Variants in AP4B1 observed in about 807,000 individuals in gnomAD.
AP4B1 encodes adaptor related protein complex 4 subunit beta 1, also known as AP-4 complex subunit beta-1.
In AP4B1, 49 loss-of-function variants were observed where a neutral mutation model predicts 76.5. The ratio of observed to expected loss-of-function variants is 0.64; its 90% CI spans 0.51 to 0.81. The LOEUF (loss-of-function observed/expected upper bound fraction) is 0.81, where lower values mean the gene tolerates loss of function less well. AP4B1 is among the 40% of genes least tolerant of loss of function. AP4B1 has a pLI of 0.00. For missense variants in AP4B1, 911 were observed against 904.9 expected (o/e 1.01, Z -0.09); for synonymous variants, 330 against 333.3 (o/e 0.99, Z 0.11).
At chr1:113,899,450 C>T (rs1345982431) in intron 5 of AP4B1, 2 of 726,968 alleles carry the variant, frequency 2.8e-6, no homozygotes, top group Admixed American at 5.1e-5. Context: ...TAACATAGGA[C>T]TTTGAGTCAG....
In AP4B1 at chr1:113,895,286, G is replaced by A. The variant is rs1469219251; in HGVS notation, c.1999C>T (p.Gln667Ter). 3 of 1,614,094 alleles carry A rather than the reference G, an allele frequency of 1.9e-6. No homozygotes were observed. The highest frequency in any genetic ancestry group is 2.7e-5 in the African/African-American group (2 of 74,940). Residue 667 changes from glutamine to a stop codon, truncating the protein, a stop_gained, in exon 10 of 10, where the codon CAG (glutamine) becomes TAG (stop). Transcript: ENST00000369569. LOFTEE classifies it high-confidence loss of function. ...LQMALQVVNI[Q>*]TIAMSRAGSR... Reference sequence around the variant, plus strand: ...CCAGCCCTACTCATTGCGATGGTCTGGATGTTCACTACTTGAAGAGCCATC... The same window carrying A: ...CCAGCCCTACTCATTGCGATGGTCTAGATGTTCACTACTTGAAGAGCCATC...
rs1163453418 is a variant in AP4B1 at position 113,901,128 on chromosome 1, G to A, written c.617+108C>T. The stretch of plus-strand genomic sequence containing the variant: ...GTCTCAAATAATAATAATAATAATG[G>A]TTAACTTTCTTTTCTACCCCACATA... On this transcript the variant is annotated intron_variant, in intron 4 of 9. Transcript: ENST00000369569. The A allele has an allele frequency of 5.7e-6, 8 of 1,403,344 alleles. No homozygotes were observed. The Middle Eastern group carries it at 5.3e-4, about 93-fold the overall frequency. The allele number at this position is 1,403,344 out of a possible 1,614,324, so 86.9% of individuals were successfully genotyped here. A position where few individuals can be genotyped will look rare whatever the true frequency, so the allele number is the denominator to read the frequency against.
chr1:113,901,681 C>G, intron 3 of AP4B1, 74 bp downstream of exon 3: 1 of 1,591,614 alleles, frequency 6.3e-7, no homozygotes. Context: ...TATTTTCTAC[C>G]AAAGCCACAC....
At chr1:113,897,591 G>C (rs938815893) in intron 7 of AP4B1, 7 of 520,082 alleles carry the variant, frequency 1.3e-5, no homozygotes, top group Non-Finnish European at 2.4e-5. Flanking sequence ...CTCAAGCAAA[G>C]CAAAACAAAA....
chr1:113,904,462 A>T, intron 1 of AP4B1, 143 bp downstream of exon 1: 1 of 800,498 alleles, frequency 1.2e-6, no homozygotes, highest in Non-Finnish European at 2.2e-6. Context: ...CTGACATGGT[A>T]CTCCAAAGCA....
At chr1:113,902,910 T>C in intron 1 of AP4B1, 48 bp from the exon 2 acceptor site, 1 of 1,556,954 alleles carries the variant, frequency 6.4e-7, no homozygotes, top group Non-Finnish European at 8.8e-7. Context: ...AATCCCCAAC[T>C]TACAATGGAG....
intron 1 of AP4B1, among the ~76,000 whole-genome samples, chr1:113,903,390 A>G (rs1668560756): frequency 6.6e-6 from 1 of 152,202 alleles, no homozygotes; most frequent in Non-Finnish European, 1.5e-5. Context: ...TTGAATCCCT[A>G]GTACTTTGGT....
chr1:113,899,112 T>C, intron 5 of AP4B1: 4 of 1,188,760 alleles, frequency 3.4e-6, no homozygotes, highest in South Asian at 2.0e-5. Flanking sequence ...GTACCCTTTT[T>C]GTTGCAGCAC....
At chr1:113,903,448 G>C (rs1452525096) in intron 1 of AP4B1, among the ~76,000 whole-genome samples, 2 of 152,208 alleles carry the variant, frequency 1.3e-5, no homozygotes, top group East Asian at 3.8e-4. Context: ...ACATAATCTT[G>C]AAGAAGGTGT....
At chr1:113,897,808 C>G in intron 7 of AP4B1, 32 bp downstream of exon 7, 2 of 1,605,956 alleles carry the variant, frequency 1.2e-6, no homozygotes, top group South Asian at 1.1e-5. Context: ...CATTCTCCCC[C>G]TACCTAGAAG....
chr1:113,897,987 C>T, intron 6 of AP4B1, 44 bp from the exon 7 acceptor site: 1 of 1,613,456 alleles, frequency 6.2e-7, no homozygotes, highest in Admixed American at 1.7e-5. Context: ...TTAGAGCCTC[C>T]AGGTAGGCAG....
At chr1:113,896,090 T>C (rs138381914) in intron 8 of AP4B1, 52 bp from the exon 9 acceptor site, 1,232 of 1,612,250 alleles carry the variant, frequency 7.6e-4, no homozygotes, top group Non-Finnish European at 9.9e-4. Context: ...ACTTTCCTCC[T>C]ACTCTTGTGC....
intron 1 of AP4B1, among the ~76,000 whole-genome samples, chr1:113,903,322 T>C (rs566308949): frequency 6.6e-6 from 1 of 152,374 alleles, no homozygotes; most frequent in East Asian, 1.9e-4. Flanking sequence ...CGCCTTGGCC[T>C]CCCAAAGTGC....
rs1256870693 is a variant in AP4B1, at chr1:113,895,238, G to C, written c.2047C>G (p.Leu683Val). The change falls in exon 10 of 10, where the codon CTC becomes GTC. Residue 683 changes from leucine to valine, a missense_variant. Physicochemically the swap from Leu to Val is conservative, Grantham distance 32 (BLOSUM62 1). Coordinates refer to ENST00000369569, the MANE Select transcript of AP4B1 (RefSeq NM_001253852.3). ...CAGCCAGTATCATCCTGAGCACTGA[G>C]GTATGCTTTCCATGGCCGAGACCCA... Reference protein sequence around the residue: ...RAGSRPWKAYLSAQDDTGCLF... With the variant: ...RAGSRPWKAYVSAQDDTGCLF... 6.2e-7 allele frequency: 1 copy of C among 1,614,176 alleles called. No homozygotes were observed. The highest frequency in any genetic ancestry group is 1.3e-5 in the African/African-American group (1 of 75,048).
Position 113,901,056 on chromosome 1 carries a change from G to A in AP4B1, c.617+180C>T, listed in dbSNP as rs764859584. On this transcript the variant is annotated intron_variant, in intron 4 of 9. Coordinates refer to ENST00000369569, the MANE Select transcript of AP4B1 (RefSeq NM_001253852.3). ...CAGGAGGCGGAGGTTGCGGTAAGCC[G>A]AGATAGCGCCATTGCACTCCAGCTT... The A allele has an allele frequency of 6.5e-5, 55 of 842,764 alleles. No homozygotes were observed. In the Middle Eastern group the frequency reaches 1.0e-3, roughly 15 times the overall value. 52.2% of individuals were successfully genotyped at this position (842,764 alleles called of 1,614,324 possible).
At chr1:113,900,706 T>C in intron 4 of AP4B1, 1 of 411,920 alleles carries the variant, frequency 2.4e-6, no homozygotes, top group African/African-American at 2.0e-5. Context: ...GGGACATGAC[T>C]AGAGAAGGGT....
Position 113,904,412 on chromosome 1 carries a change from G to C in AP4B1, c.113+193C>G, listed in dbSNP as rs6661817. 0.32 allele frequency among the ~76,000 whole-genome samples: 48,978 copies of C among 152,148 alleles called. 9,545 individuals are homozygous for C. The highest frequency in any genetic ancestry group is 0.78 in the East Asian group (4,013 of 5,174). Reference sequence around the variant, plus strand: ...AATTGCTCAAGCCCGTGATATGGAGGAAACTACCCAGCTGAGTAAAAGATG... The same window carrying C: ...AATTGCTCAAGCCCGTGATATGGAGCAAACTACCCAGCTGAGTAAAAGATG... On this transcript the variant is annotated intron_variant, in intron 1 of 9. Coordinates refer to ENST00000369569, the MANE Select transcript of AP4B1 (RefSeq NM_001253852.3).
chr1:113,896,773 A>G, intron 7 of AP4B1: 1 of 427,432 alleles, frequency 2.3e-6, no homozygotes, highest in Non-Finnish European at 4.2e-6. Flanking sequence ...AGCTGCTCAA[A>G]GAATTTCTCT....
chr1:113,904,885 A>G (rs1571596413), upstream of AP4B1: 1 of 666,526 alleles, frequency 1.5e-6, no homozygotes, highest in East Asian at 2.9e-5. Context: ...TGGCCCTGAC[A>G]CACTTCCACG....
Sources: gnomAD v4.1 joint callset for allele counts (sites outside exome capture counted in the v4.1 genomes callset) on GRCh38, gnomAD v4.1.1 for gene constraint, MANE v1.5 for transcripts, NCBI Gene and HGNC (gene_info 2026-07-23, HGNC 2026-07-21) for gene names.